XKR4: variants seen among roughly 807,000 people sequenced by gnomAD.
XKR4 encodes XK related 4.
Under a neutral mutation model 53.9 loss-of-function variants are expected in XKR4, and 12 were observed. The ratio of observed to expected loss-of-function variants is 0.22; its 90% CI spans 0.14 to 0.36. The LOEUF is 0.36. Ranked by LOEUF, XKR4 falls within the 10% of genes least tolerant of loss-of-function variation. The pLI, the probability that XKR4 is intolerant of heterozygous loss-of-function variation, is 1.00. For synonymous variants in XKR4, 354 were observed against 362.4 expected (o/e 0.98, Z 0.26); for missense variants, 799 against 859.5 (o/e 0.93, Z 0.88).
intron 1 of XKR4, among the ~76,000 whole-genome samples, chr8:55,222,864 C>T (rs1351659003): frequency 1.3e-5 from 2 of 151,888 alleles, no homozygotes; most frequent in Non-Finnish European, 2.9e-5. Flanking sequence ...TAAGGTCATT[C>T]ACACCACAGA....
In XKR4 at chr8:55,102,425, GGA is replaced by G; in HGVS notation, c.-62_-61del. ...GCCGGGGCGAGGCGAGGAGGTGGCGGGAGGAGGAGACAGCGGGGAAAGGTGTC... is the reference window on the plus strand; with the variant it reads ...GCCGGGGCGAGGCGAGGAGGTGGCGGGGAGGAGACAGCGGGGAAAGGTGTC... On this transcript the variant is annotated 5_prime_UTR_variant, in exon 1 of 3. Transcript: ENST00000327381. This position sits in a 1 kb window ranked among gnomAD's most constrained non-coding sequence, Gnocchi z 5.1. 1 of 1,483,170 alleles carries G rather than the reference GGA, an allele frequency of 6.7e-7. No individual in the cohort carries two copies. Among genetic ancestry groups the G allele is most frequent in the African/African-American group, 1.5e-5 (1 of 68,788 alleles). The allele number at this position is 1,483,170 out of a possible 1,614,324, so 91.9% of individuals were successfully genotyped here. A position where few individuals can be genotyped will look rare whatever the true frequency, so the allele number is the denominator to read the frequency against.
rs1807073286 is a variant in XKR4 at position 55,539,513 on chromosome 8, A to G, written c.*15286A>G. 1 of 152,222 alleles carries G rather than the reference A, an allele frequency of 6.6e-6. No individual in the cohort carries two copies. Among genetic ancestry groups the G allele is most frequent in the Admixed American group, 6.5e-5 (1 of 15,272 alleles). The allele number at this position is 152,222 out of a possible 1,614,324, so 9.4% of individuals were successfully genotyped here. ...AAGCCTTAACATTTCAAGGTGGTTA[A>G]TTAATATCTAATGCATGGTATTAAA... On this transcript the variant is annotated 3_prime_UTR_variant, in exon 3 of 3. Coordinates refer to ENST00000327381, the MANE Select transcript of XKR4 (RefSeq NM_052898.2).
intron 1 of XKR4, among the ~76,000 whole-genome samples, chr8:55,281,381 G>A (rs1258585311): frequency 1.3e-5 from 2 of 152,162 alleles, no homozygotes; most frequent in African/African-American, 4.8e-5. Flanking sequence ...ATTATTGGTT[G>A]ATCAGCACCA....
chr8:55,492,554 C>T (rs1806285976), intron 2 of XKR4, among the ~76,000 whole-genome samples: 1 of 152,224 alleles, frequency 6.6e-6, no homozygotes, highest in African/African-American at 2.4e-5. Context: ...TGAGGGGACT[C>T]ACTGAGTACT....
chr8:55,236,794 C>T (rs1240833346), intron 1 of XKR4, among the ~76,000 whole-genome samples: 1 of 152,168 alleles, frequency 6.6e-6, no homozygotes, highest in Non-Finnish European at 1.5e-5. Context: ...TCTGAGAAGC[C>T]AGGCCACGTT....
chr8:55,466,180 A>C (rs192569445), intron 2 of XKR4, among the ~76,000 whole-genome samples: 1 of 152,162 alleles, frequency 6.6e-6, no homozygotes, highest in African/African-American at 2.4e-5. Flanking sequence ...ATAAAGACAC[A>C]TGCATATGTA....
chr8:55,519,744 T>A (rs2129405616), intron 2 of XKR4, among the ~76,000 whole-genome samples: 1 of 152,302 alleles, frequency 6.6e-6, no homozygotes, highest in South Asian at 2.1e-4. Context: ...TTGAAGTTGA[T>A]AACTTTATGT....
chr8:55,382,930 A>G (rs1237042561), intron 2 of XKR4, among the ~76,000 whole-genome samples: 1 of 152,170 alleles, frequency 6.6e-6, no homozygotes, highest in South Asian at 2.1e-4. Flanking sequence ...TGTTCAAACT[A>G]AAACAGACTG....
chr8:55,164,677 C>T lies in XKR4; in HGVS notation c.806+61383C>T, dbSNP rs183950350. 1,714 of 309,620 alleles carry T rather than the reference C, an allele frequency of 5.5e-3. 10 individuals carry two copies. Among genetic ancestry groups the T allele is most frequent in the Non-Finnish European group, 8.9e-3 (1,380 of 154,490 alleles). 19.2% of individuals were successfully genotyped at this position (309,620 alleles called of 1,614,324 possible). On this transcript the variant is annotated intron_variant, in intron 1 of 2. Coordinates refer to ENST00000327381, the MANE Select transcript of XKR4 (RefSeq NM_052898.2). ...TTTTAAGTTTACAGGGGGAAAGAGACCAAGAGAATAAGATCAAGTCAAATC... is the reference window on the plus strand; with the variant it reads ...TTTTAAGTTTACAGGGGGAAAGAGATCAAGAGAATAAGATCAAGTCAAATC...
intron 2 of XKR4, among the ~76,000 whole-genome samples, chr8:55,476,201 C>A (rs1215299041): frequency 6.6e-6 from 1 of 151,918 alleles, no homozygotes; most frequent in Non-Finnish European, 1.5e-5. Flanking sequence ...GTCTAAGGAC[C>A]CCAACATGAG....
At chr8:55,454,554 C>A in intron 2 of XKR4, 1 of 1,434,048 alleles carries the variant, frequency 7.0e-7, no homozygotes, top group Non-Finnish European at 9.6e-7. Flanking sequence ...TGCTGATGGG[C>A]AGGGAGTCGG....
At chr8:55,120,695 C>T (rs1816378984) in intron 1 of XKR4, among the ~76,000 whole-genome samples, 1 of 151,914 alleles carries the variant, frequency 6.6e-6, no homozygotes, top group African/African-American at 2.4e-5. Context: ...TAGTATGGTA[C>T]GTTTGTTACA....
intron 2 of XKR4, among the ~76,000 whole-genome samples, chr8:55,444,191 A>C (rs1805312941): frequency 6.6e-6 from 1 of 152,172 alleles, no homozygotes; most frequent in Admixed American, 6.5e-5. Flanking sequence ...ACAAAACAAA[A>C]CAAAAAAGAC....
intron 1 of XKR4, among the ~76,000 whole-genome samples, chr8:55,197,880 A>C (rs1011224652): frequency 3.9e-5 from 6 of 152,206 alleles, no homozygotes; most frequent in African/African-American, 1.4e-4. Flanking sequence ...TTTCATGACT[A>C]AAATTCCTGA....
intron 2 of XKR4, chr8:55,454,195 T>C (rs1805514044): frequency 1.9e-6 from 2 of 1,039,132 alleles, no homozygotes; most frequent in Admixed American, 3.4e-5. Context: ...GCAGTGGCTC[T>C]AGCAAGGGTG....
chr8:55,232,138 G>A (rs1050145090), intron 1 of XKR4, among the ~76,000 whole-genome samples: 4 of 152,146 alleles, frequency 2.6e-5, no homozygotes, highest in Non-Finnish European at 5.9e-5. Context: ...ATTTTCCGTT[G>A]GGTTGTACAT....
intron 2 of XKR4, among the ~76,000 whole-genome samples, chr8:55,387,396 C>CA (rs1401654118): frequency 6.6e-6 from 1 of 152,220 alleles, no homozygotes; most frequent in Non-Finnish European, 1.5e-5. Context: ...TGAACTTCCA[C>CA]ATTCTCTGTT....
chr8:55,485,887 A>G (rs1563364090), intron 2 of XKR4, among the ~76,000 whole-genome samples: 1 of 152,152 alleles, frequency 6.6e-6, no homozygotes, highest in Non-Finnish European at 1.5e-5. Context: ...CAAAAGACTC[A>G]ATCTGAATGC....
intron 2 of XKR4, among the ~76,000 whole-genome samples, chr8:55,490,882 C>G (rs1351120670): frequency 6.6e-6 from 1 of 151,976 alleles, no homozygotes; most frequent in East Asian, 1.9e-4. Context: ...TTACAGTTTC[C>G]TCAAATTTAG....
Sources: gnomAD v4.1 joint callset for allele counts (sites outside exome capture counted in the v4.1 genomes callset) on GRCh38, gnomAD v4.1.1 for gene constraint, Gnocchi (gnomAD v3.1) non-coding constraint, MANE v1.5 for transcripts, NCBI Gene and HGNC (gene_info 2026-07-23, HGNC 2026-07-21) for gene names.